Variants in DNAJC15 observed in about 807,000 individuals in gnomAD.
The protein encoded by DNAJC15 is dnaJ homolog subfamily C member 15.
In DNAJC15, 27 loss-of-function variants were observed where a neutral mutation model predicts 22.4. The observed-to-expected ratio is 1.20, with a 90% confidence interval of 0.89 to 1.66. DNAJC15 has a LOEUF of 1.66. Ranked by LOEUF, DNAJC15 falls within the 40% of genes most tolerant of loss-of-function variation. The probability of loss-of-function intolerance (pLI) is 0.00; values close to 1 mark genes in which losing one functional copy is unlikely to be tolerated. For missense variants in DNAJC15, 208 were observed against 187.1 expected (o/e 1.11, Z -0.65); for synonymous variants, 79 against 63.2 (o/e 1.25, Z -1.19).
intron 1 of DNAJC15, among the ~76,000 whole-genome samples, chr13:43,024,893 T>TAAAAAAAAAAGAAAAAAAAAAAAAAAAA (rs2040372698): frequency 1.2e-5 from 1 of 85,946 alleles, no homozygotes; most frequent in Admixed American, 1.3e-4. Context: ...CCATCTCTGC[T>TAAAAAAAAAAGAAAAAAAAAAAAAAAAA]AAAAAAAAAA....
intron 1 of DNAJC15, among the ~76,000 whole-genome samples, chr13:43,062,814 G>A (rs2040565207): frequency 6.6e-6 from 1 of 152,078 alleles, no homozygotes. Flanking sequence ...CGCCTCCTGG[G>A]TTCAAGTGAT....
chr13:43,046,594 G>C (rs547532202), intron 1 of DNAJC15, among the ~76,000 whole-genome samples: 6 of 152,016 alleles, frequency 3.9e-5, no homozygotes, highest in Admixed American at 2.0e-4. Flanking sequence ...ATCATATATC[G>C]CCTGAGAGCA....
chr13:43,066,812 A>T (rs995070043), intron 2 of DNAJC15, among the ~76,000 whole-genome samples: 1 of 152,016 alleles, frequency 6.6e-6, no homozygotes, highest in Non-Finnish European at 1.5e-5. Flanking sequence ...TTTTAGTATA[A>T]AAATACAAAA....
intron 3 of DNAJC15, among the ~76,000 whole-genome samples, chr13:43,071,349 C>G (rs980719452): frequency 3.2e-4 from 48 of 152,164 alleles, no homozygotes; most frequent in Admixed American, 1.1e-3. Flanking sequence ...GTGTGTACCC[C>G]CTTTTCCCTC....
chr13:43,043,008 A>G (rs1024876258), intron 1 of DNAJC15, among the ~76,000 whole-genome samples: 1 of 152,230 alleles, frequency 6.6e-6, no homozygotes, highest in Non-Finnish European at 1.5e-5. Flanking sequence ...AGGGGCTGCA[A>G]GTGCTCTCCA....
In DNAJC15 at chr13:43,113,418, G is replaced by A. The variant is rs2040833609; in HGVS notation, c.*6170G>A. ...TTTTTTTGCCAAATTCCAAAATTGT[G>A]TATAGTTCTATAGTTGTCTGGTGGA... On this transcript the variant is annotated 3_prime_UTR_variant, in exon 6 of 6. Coordinates refer to ENST00000379221, the MANE Select transcript of DNAJC15 (RefSeq NM_013238.3). 6.6e-6 allele frequency: 1 copy of A among 151,574 alleles called. No homozygotes were observed. The highest frequency in any genetic ancestry group is 6.6e-5 in the Admixed American group (1 of 15,258). 9.4% of individuals were successfully genotyped at this position (151,574 alleles called of 1,614,324 possible).
At chr13:43,091,373 C>A (rs2040714392) in intron 5 of DNAJC15, among the ~76,000 whole-genome samples, 3 of 152,234 alleles carry the variant, frequency 2.0e-5, no homozygotes, top group African/African-American at 7.2e-5. Flanking sequence ...CAGGCGTGAG[C>A]CACTGCGCCT....
At chr13:43,041,334 C>T (rs1000295504) in intron 1 of DNAJC15, among the ~76,000 whole-genome samples, 2 of 152,176 alleles carry the variant, frequency 1.3e-5, no homozygotes, top group African/African-American at 4.8e-5. Context: ...ATCCATTTAA[C>T]CCTGAGTTGA....
In DNAJC15 at chr13:43,048,689, G is replaced by T. The variant is rs940443139; in HGVS notation, c.109-16997G>T. On this transcript the variant is annotated intron_variant, in intron 1 of 5. Transcript: ENST00000379221. Reference sequence around the variant, plus strand: ...AGAGACCACTGTTCCCAAACATTATGCTGGACCAGTTGTAAAAGAATTTTT... The same window carrying T: ...AGAGACCACTGTTCCCAAACATTATTCTGGACCAGTTGTAAAAGAATTTTT... 5.3e-5 allele frequency among the ~76,000 whole-genome samples: 8 copies of T among 152,132 alleles called. 1 individual carries two copies. Among genetic ancestry groups the T allele is most frequent in the African/African-American group, 1.9e-4 (8 of 41,416 alleles).
At position 43,087,878 on chromosome 13, in the gene DNAJC15, T is replaced by C. The variant is rs74060792; in HGVS notation, c.382+2040T>C. 2.4e-3 allele frequency among the ~76,000 whole-genome samples: 360 copies of C among 152,324 alleles called. 3 individuals carry two copies. The highest frequency in any genetic ancestry group is 7.8e-3 in the African/African-American group (326 of 41,578). On this transcript the variant is annotated intron_variant, in intron 5 of 5. Transcript: ENST00000379221. The stretch of plus-strand genomic sequence containing the variant: ...TTTAAATAAGCATTCAGACGTATTT[T>C]GGTAAAAAGGAAATTTTTCTTTTTC...
rs779974372 is a variant in DNAJC15, at chr13:43,023,705, C to T, written c.79C>T (p.Pro27Ser). 6.2e-7 allele frequency: 1 copy of T among 1,611,854 alleles called. No individual in the cohort carries two copies. The highest frequency in any genetic ancestry group is 8.5e-7 in the Non-Finnish European group (1 of 1,179,210). The change falls in exon 1 of 6, where the codon CCA becomes TCA. Residue 27 changes from proline to serine, a missense_variant. Coordinates refer to ENST00000379221, the MANE Select transcript of DNAJC15 (RefSeq NM_013238.3). ...AEYLQPSAKR[P>S]DADVDQQRLV... ...GTACTTGCAGCCCTCGGCCAAACGG[C>T]CAGACGCCGACGTCGACCAGCAGAG...
At chr13:43,080,295 G>A (rs1375966930) in intron 4 of DNAJC15, among the ~76,000 whole-genome samples, 1 of 152,118 alleles carries the variant, frequency 6.6e-6, no homozygotes, top group East Asian at 1.9e-4. Context: ...CCACATGTAA[G>A]TGAGAACATG....
chr13:43,059,101 TGCACGTCCGAGTGGGA>T (rs147733223), intron 1 of DNAJC15, among the ~76,000 whole-genome samples: 1 of 152,318 alleles, frequency 6.6e-6, no homozygotes, highest in African/African-American at 2.4e-5. Flanking sequence ...ATGCTGTTTC[TGCACGTCCGAGTGGGA>T]GCTGGAAGTT....
chr13:43,043,111 ATTTG>A (rs1231111088), intron 1 of DNAJC15, among the ~76,000 whole-genome samples: 1 of 152,096 alleles, frequency 6.6e-6, no homozygotes, highest in African/African-American at 2.4e-5. Flanking sequence ...TGCTTTTTAA[ATTTG>A]TTTATTTTTA....
Position 43,107,233 on chromosome 13 carries a change from AACC to A in DNAJC15, c.443_445del (p.Thr148del). On this transcript the variant is annotated inframe_deletion, in exon 6 of 6. Coordinates refer to ENST00000379221, the MANE Select transcript of DNAJC15 (RefSeq NM_013238.3). The stretch of plus-strand genomic sequence containing the variant: ...ATGAAGCAAAAGACTTGCTAGAAAC[AACC>A]ACCAAACATTGATGCTTAAGGACCA... 6.3e-7 allele frequency: 1 copy of A among 1,593,280 alleles called. No homozygotes were observed. The highest frequency in any genetic ancestry group is 8.5e-7 in the Non-Finnish European group (1 of 1,171,296).
chr13:43,087,798 T>A (rs1046195570), intron 5 of DNAJC15, among the ~76,000 whole-genome samples: 2 of 152,190 alleles, frequency 1.3e-5, no homozygotes, highest in African/African-American at 4.8e-5. Flanking sequence ...GCAAAGAAAG[T>A]GACACCAGAA....
intron 3 of DNAJC15, 122 bp downstream of exon 3, chr13:43,069,125 A>G (rs1475840841): frequency 4.2e-5 from 38 of 902,238 alleles, no homozygotes; most frequent in Non-Finnish European, 4.6e-5. Context: ...TTCCTTCACT[A>G]TATCATTGGT....
rs1195349377 is a variant in DNAJC15, at chr13:43,112,398, A to G, written c.*5150A>G. 6.6e-6 allele frequency: 1 copy of G among 152,218 alleles called. No homozygotes were observed. The highest frequency in any genetic ancestry group is 6.5e-5 in the Admixed American group (1 of 15,282). The allele number at this position is 152,218 out of a possible 1,614,324, so 9.4% of individuals were successfully genotyped here. A position where few individuals can be genotyped will look rare whatever the true frequency, so the allele number is the denominator to read the frequency against. The stretch of plus-strand genomic sequence containing the variant: ...AGGGAGCTTAATTTCACACGGGTGG[A>G]ATATGATCACTCAGGCTAGATGTTG... On this transcript the variant is annotated 3_prime_UTR_variant, in exon 6 of 6. Coordinates refer to ENST00000379221, the MANE Select transcript of DNAJC15 (RefSeq NM_013238.3).
At chr13:43,084,758 G>A (rs974443412) in intron 4 of DNAJC15, among the ~76,000 whole-genome samples, 11 of 152,088 alleles carry the variant, frequency 7.2e-5, no homozygotes, top group African/African-American at 2.7e-4. Flanking sequence ...AATAATTTTA[G>A]GATTATTTAA....
Sources: gnomAD v4.1 joint callset for allele counts (sites outside exome capture counted in the v4.1 genomes callset) on GRCh38, gnomAD v4.1.1 for gene constraint, MANE v1.5 for transcripts, NCBI Gene and HGNC (gene_info 2026-07-23, HGNC 2026-07-21) for gene names.